PARN: variants seen among roughly 807,000 people sequenced by gnomAD.
PARN encodes the protein poly(A)-specific ribonuclease, also known as poly(A)-specific ribonuclease PARN.
A neutral mutation model predicts 102.8 loss-of-function variants in PARN; 71 were observed. The ratio of observed to expected loss-of-function variants is 0.69; its 90% CI spans 0.57 to 0.84. PARN has a LOEUF of 0.84. Ranked by LOEUF, PARN falls within the 40% of genes least tolerant of loss-of-function variation. PARN has a pLI of 0.00. For missense variants in PARN, 782 were observed against 760.9 expected, an observed-to-expected ratio of 1.03 and a Z score of -0.33; for synonymous variants, 261 against 252.9, an observed-to-expected ratio of 1.03 and a Z score of -0.30.
chr16:14,576,799 T>C (rs1364609804), intron 18 of PARN, among the ~76,000 whole-genome samples: 7 of 152,224 alleles, frequency 4.6e-5, no homozygotes, highest in Admixed American at 3.3e-4. Context: ...AGGAGGACTA[T>C]GGGAGGTGCC....
At chr16:14,560,922 G>A (rs552978793) in intron 18 of PARN, among the ~76,000 whole-genome samples, 2 of 152,328 alleles carry the variant, frequency 1.3e-5, no homozygotes, top group Admixed American at 1.3e-4. Flanking sequence ...CTGGGAGGCC[G>A]AGGCAGGTAG....
At chr16:14,611,453 A>T (rs1037074843) in intron 6 of PARN, among the ~76,000 whole-genome samples, 1 of 152,230 alleles carries the variant, frequency 6.6e-6, no homozygotes, top group African/African-American at 2.4e-5. Context: ...GGCCATGATG[A>T]CTACTCTGAG....
At chr16:14,512,136 C>T (rs1965219147) in intron 21 of PARN, among the ~76,000 whole-genome samples, 1 of 152,112 alleles carries the variant, frequency 6.6e-6, no homozygotes, top group Admixed American at 6.5e-5. Flanking sequence ...TTTAATCTTC[C>T]ACTGTGTAGC....
intron 22 of PARN, among the ~76,000 whole-genome samples, chr16:14,456,195 G>T (rs946946424): frequency 1.3e-5 from 2 of 151,164 alleles, no homozygotes; most frequent in Admixed American, 6.6e-5. Context: ...AAACTGATGG[G>T]GTCTGGCTCT....
chr16:14,619,856 G>A (rs950399631), intron 5 of PARN, among the ~76,000 whole-genome samples: 2 of 151,784 alleles, frequency 1.3e-5, no homozygotes, highest in African/African-American at 2.4e-5. Flanking sequence ...CGGATCAAGA[G>A]GTCAGGAGTT....
At chr16:14,447,335 G>C (rs921858571) in intron 22 of PARN, among the ~76,000 whole-genome samples, 3 of 152,140 alleles carry the variant, frequency 2.0e-5, no homozygotes. Context: ...AAGCTGATCC[G>C]AGTGCTCAAG....
At chr16:14,452,404 G>C (rs1307130441) in intron 22 of PARN, among the ~76,000 whole-genome samples, 1 of 152,188 alleles carries the variant, frequency 6.6e-6, no homozygotes, top group Non-Finnish European at 1.5e-5. Flanking sequence ...ACGGAGTCTT[G>C]CTCCGTTGCT....
chr16:14,592,984 A>T (rs1013692533), intron 13 of PARN, among the ~76,000 whole-genome samples: 11 of 152,024 alleles, frequency 7.2e-5, no homozygotes, highest in African/African-American at 2.7e-4. Flanking sequence ...AAAAATACAA[A>T]AAGTAGCTGG....
intron 21 of PARN, among the ~76,000 whole-genome samples, chr16:14,517,096 C>T (rs936469019): frequency 2.6e-5 from 4 of 152,128 alleles, no homozygotes; most frequent in Admixed American, 6.5e-5. Context: ...TACTGTATAA[C>T]GTTATTTGTG....
intron 20 of PARN, among the ~76,000 whole-genome samples, chr16:14,553,007 C>T (rs1005878316): frequency 6.6e-6 from 1 of 151,714 alleles, no homozygotes; most frequent in Non-Finnish European, 1.5e-5. Context: ...TATGCCTTAA[C>T]GTTCGTTCTG....
chr16:14,553,347 G>T (rs529527574), intron 20 of PARN, among the ~76,000 whole-genome samples: 6 of 150,720 alleles, frequency 4.0e-5, no homozygotes, highest in Non-Finnish European at 8.8e-5. Context: ...TACTCTAAAC[G>T]TTAAAATACA....
chr16:14,606,708 T>C (rs1013797963), intron 9 of PARN, among the ~76,000 whole-genome samples, 182 bp from the exon 10 acceptor site: 5 of 152,158 alleles, frequency 3.3e-5, no homozygotes, highest in African/African-American at 1.2e-4. Context: ...AAATGTTTCC[T>C]TACCCTTGCT....
intron 18 of PARN, among the ~76,000 whole-genome samples, chr16:14,562,527 T>C (rs1345870820): frequency 6.7e-6 from 1 of 149,882 alleles, no homozygotes; most frequent in Non-Finnish European, 1.5e-5. Flanking sequence ...GGCAGTAACA[T>C]AAGCCTTCTA....
In PARN at chr16:14,436,323, A is replaced by G. The variant is rs1201865662; in HGVS notation, c.*394T>C. On this transcript the variant is annotated 3_prime_UTR_variant, in exon 24 of 24. Transcript: ENST00000437198. ...CGAGAAGATGCACAGGCAGGACAGT[A>G]CACCCCCAAATTCATGATCACAGCA... 9.3e-6 allele frequency: 2 copies of G among 214,794 alleles called. No homozygotes were observed. Among genetic ancestry groups the G allele is most frequent in the East Asian group, 2.3e-4 (2 of 8,554 alleles). The allele number at this position is 214,794 out of a possible 1,614,324, so 13.3% of individuals were successfully genotyped here. A position where few individuals can be genotyped will look rare whatever the true frequency, so the allele number is the denominator to read the frequency against.
intron 5 of PARN, among the ~76,000 whole-genome samples, chr16:14,619,320 C>A (rs1452272181): frequency 6.6e-6 from 1 of 152,096 alleles, no homozygotes; most frequent in Non-Finnish European, 1.5e-5. Context: ...TTAGACTGGG[C>A]TGGACATGGT....
At chr16:14,588,413 G>T (rs571633658) in intron 13 of PARN, among the ~76,000 whole-genome samples, 33 of 152,282 alleles carry the variant, frequency 2.2e-4, no homozygotes, top group Non-Finnish European at 3.8e-4. Flanking sequence ...TCAGTGACAG[G>T]AACGGAGCCA....
intron 2 of PARN, among the ~76,000 whole-genome samples, chr16:14,628,858 T>G (rs1450168978): frequency 1.3e-5 from 2 of 152,112 alleles, no homozygotes; most frequent in Non-Finnish European, 2.9e-5. Flanking sequence ...CATATTGACA[T>G]CAGCAATTTA....
At chr16:14,580,506 C>G (rs1338787003) in intron 18 of PARN, among the ~76,000 whole-genome samples, 1 of 151,876 alleles carries the variant, frequency 6.6e-6, no homozygotes, top group African/African-American at 2.4e-5. Context: ...AGGCTGGCCT[C>G]GAACTCCTGA....
chr16:14,581,020 T>C (rs1399270145), intron 17 of PARN, 77 bp from the exon 18 acceptor site: 4 of 798,520 alleles, frequency 5.0e-6, no homozygotes, highest in Non-Finnish European at 8.6e-6. Flanking sequence ...CAAAACAGAT[T>C]TAAATTAACA....
Sources: allele counts gnomAD v4.1 joint callset (sites outside exome capture counted in the v4.1 genomes callset), GRCh38; gene constraint gnomAD v4.1.1; transcripts MANE v1.5; gene names NCBI Gene and HGNC (gene_info 2026-07-23, HGNC 2026-07-21).